The following PDZD2 variants were observed in gnomAD, a reference collection of about 807,000 sequenced individuals.
PDZD2 encodes PDZ domain containing 2.
Under a neutral mutation model 220.7 loss-of-function variants are expected in PDZD2, and 90 were observed. The observed-to-expected ratio is 0.41, with a 90% CI of 0.34 to 0.49. The LOEUF (loss-of-function observed/expected upper bound fraction) is 0.49. PDZD2 is among the 20% of genes least tolerant of loss of function. The pLI is 0.28. For missense variants in PDZD2, 3,174 were observed against 3,608.5 expected, an observed-to-expected ratio of 0.88 and a Z score of 3.08; for synonymous variants, 1,375 against 1,450.5, an observed-to-expected ratio of 0.95 and a Z score of 1.18.
At chr5:31,974,970 G>A (rs184658614) in intron 2 of PDZD2, among the ~76,000 whole-genome samples, 6 of 151,984 alleles carry the variant, frequency 3.9e-5, no homozygotes, top group Middle Eastern at 3.4e-3. Context: ...ATTTGAATTG[G>A]GCGTGAATGA....
chr5:31,849,944 A>ACGTG (rs1757868469), intron 2 of PDZD2, among the ~76,000 whole-genome samples: 1 of 24,502 alleles, frequency 4.1e-5, no homozygotes, highest in African/African-American at 3.1e-4. Flanking sequence ...ACATATATAT[A>ACGTG]TATACATATA....
intron 1 of PDZD2, among the ~76,000 whole-genome samples, chr5:31,760,177 C>T (rs1751546335): frequency 1.3e-5 from 2 of 152,118 alleles, no homozygotes; most frequent in African/African-American, 4.8e-5. Flanking sequence ...TTATGTTGAA[C>T]TCAGGCACAA....
intron 1 of PDZD2, among the ~76,000 whole-genome samples, chr5:31,684,200 C>T (rs1316959104): frequency 6.6e-6 from 1 of 152,224 alleles, no homozygotes; most frequent in East Asian, 1.9e-4. Flanking sequence ...GACAGTCCTA[C>T]TTGGGTGTCT....
At chr5:32,107,454 G>A (rs1249376572) in intron 24 of PDZD2, 1 of 152,482 alleles carries the variant, frequency 6.6e-6, no homozygotes, top group Non-Finnish European at 1.5e-5. Flanking sequence ...CTACTCTGAA[G>A]GCTGAGGTGA....
intron 6 of PDZD2, among the ~76,000 whole-genome samples, chr5:32,019,949 A>G (rs928527325): frequency 8.5e-5 from 13 of 152,052 alleles, no homozygotes; most frequent in African/African-American, 3.1e-4. Flanking sequence ...TCTTATTTGT[A>G]CCACTCCTAT....
chr5:31,696,695 A>G (rs1216187564), intron 1 of PDZD2, among the ~76,000 whole-genome samples: 1 of 152,214 alleles, frequency 6.6e-6, no homozygotes, highest in East Asian at 1.9e-4. Flanking sequence ...TCTTTCAAAA[A>G]GGATACATTT....
chr5:31,877,412 T>A (rs1739400953), intron 2 of PDZD2, among the ~76,000 whole-genome samples: 1 of 152,052 alleles, frequency 6.6e-6, no homozygotes, highest in Admixed American at 6.6e-5. Flanking sequence ...AGAGATGGGA[T>A]CTTGCTGCAT....
rs1230544433 is a variant in PDZD2 at position 32,087,130 on chromosome 5, G to A, written c.3683-1G>A. ...ACCTTCTGTTTACGTTCCCCACGTA[G>A]AACTGGACAGCTCCTCAGACCTCAT... is the stretch of plus-strand genomic sequence containing the variant. On this transcript the variant is annotated splice_acceptor_variant, in intron 19 of 24. Coordinates refer to ENST00000438447, the MANE Select transcript of PDZD2 (RefSeq NM_178140.4). LOFTEE classifies it high-confidence loss of function. This position sits in a 1 kb window ranked among gnomAD's most constrained non-coding sequence, Gnocchi z 4.0. 7 of 1,594,426 alleles carry A rather than the reference G, an allele frequency of 4.4e-6. No individual in the cohort carries two copies. The highest frequency in any genetic ancestry group is 6.0e-6 in the Non-Finnish European group (7 of 1,163,428).
At chr5:31,961,238 T>A (rs1748193886) in intron 2 of PDZD2, among the ~76,000 whole-genome samples, 2 of 152,158 alleles carry the variant, frequency 1.3e-5, no homozygotes, top group South Asian at 4.1e-4. Flanking sequence ...CCTTGAAATC[T>A]GAGGCAGGGC....
At chr5:31,858,758 G>A (rs2150309410) in intron 2 of PDZD2, among the ~76,000 whole-genome samples, 1 of 135,862 alleles carries the variant, frequency 7.4e-6, no homozygotes, top group East Asian at 2.7e-4. Flanking sequence ...TCCCTCTGTT[G>A]CCCAGGCTGG....
At chr5:31,877,978 C>T (rs1038627473) in intron 2 of PDZD2, among the ~76,000 whole-genome samples, 2 of 152,172 alleles carry the variant, frequency 1.3e-5, no homozygotes, top group Non-Finnish European at 2.9e-5. Flanking sequence ...CGTGAGCCAC[C>T]ACGCCTGGAC....
intron 14 of PDZD2, among the ~76,000 whole-genome samples, chr5:32,067,986 A>G (rs1740364040): frequency 6.6e-6 from 1 of 152,226 alleles, no homozygotes; most frequent in South Asian, 2.1e-4. Flanking sequence ...GTTTCTTCAC[A>G]GATTACTCAT....
intron 1 of PDZD2, among the ~76,000 whole-genome samples, chr5:31,651,999 T>TTTTC (rs1745370829): frequency 6.7e-6 from 1 of 149,248 alleles, no homozygotes; most frequent in East Asian, 2.0e-4. Flanking sequence ...TTTGTATTTT[T>TTTTC]TTTTTTTTTT....
chr5:32,031,420 C>T (rs544407961), intron 6 of PDZD2, among the ~76,000 whole-genome samples: 1 of 152,166 alleles, frequency 6.6e-6, no homozygotes, highest in Non-Finnish European at 1.5e-5. Context: ...CCTCCTTGTT[C>T]TTGTGCGCAA....
rs377748174 is a variant in PDZD2 at position 32,090,970 on chromosome 5, G to A, written c.7522G>A (p.Val2508Met). 50 of 1,613,710 alleles carry A rather than the reference G, an allele frequency of 3.1e-5. No individual in the cohort carries two copies. Among genetic ancestry groups the A allele is most frequent in the Non-Finnish European group, 3.8e-5 (45 of 1,179,956 alleles). Reference sequence around the variant, plus strand: ...GGATTACTCAGCAGGGCCGAGCGCCGTGCTCTTCAAAACTGAGCTGGAGAT... The same window carrying A: ...GGATTACTCAGCAGGGCCGAGCGCCATGCTCTTCAAAACTGAGCTGGAGAT... ...SEDYSAGPSA[V>M]LFKTELEITP... The change falls in exon 20 of 25, where the codon GTG (valine) becomes ATG (methionine). Residue 2508 changes from valine (V) to methionine (M), a missense_variant. By Grantham distance (21) the Val-to-Met change is conservative (BLOSUM62 1). Coordinates refer to ENST00000438447, the MANE Select transcript of PDZD2 (RefSeq NM_178140.4). The surrounding 1 kb of genome is among the most constrained non-coding windows in gnomAD (Gnocchi z 4.3).
intron 2 of PDZD2, among the ~76,000 whole-genome samples, chr5:31,976,551 T>C (rs577851067): frequency 3.3e-5 from 5 of 152,300 alleles, no homozygotes; most frequent in African/African-American, 1.2e-4. Context: ...CTGTTGTCTG[T>C]GTAGGGACCT....
chr5:31,763,115 G>T (rs1751752482), intron 1 of PDZD2, among the ~76,000 whole-genome samples: 1 of 152,164 alleles, frequency 6.6e-6, no homozygotes, highest in Non-Finnish European at 1.5e-5. Flanking sequence ...GTTTGTGAGG[G>T]CAGTGACTGA....
chr5:31,779,054 CT>C (rs1752894289), intron 1 of PDZD2, among the ~76,000 whole-genome samples: 1 of 152,134 alleles, frequency 6.6e-6, no homozygotes, highest in African/African-American at 2.4e-5. Flanking sequence ...ATATCTCTCT[CT>C]TGCTTAAAAA....
In PDZD2 at chr5:32,043,708, A is replaced by G. The variant is rs537562892; in HGVS notation, c.1520-4831A>G. The stretch of plus-strand genomic sequence containing the variant: ...GGTGGTGTGATCTCAGCTCACCACA[A>G]CCTCCGCCTCCCAGGTACAAGTGAT... On this transcript the variant is annotated intron_variant, in intron 7 of 24. Transcript: ENST00000438447. Among the ~76,000 whole-genome samples, 3 of 152,164 alleles carry G rather than the reference A, an allele frequency of 2.0e-5. No homozygotes were observed. In the East Asian group the frequency reaches 5.8e-4, roughly 29 times the overall value.
Sources: allele counts gnomAD v4.1 joint callset (sites outside exome capture counted in the v4.1 genomes callset), GRCh38; gene constraint gnomAD v4.1.1; non-coding constraint Gnocchi (gnomAD v3.1); transcripts MANE v1.5; gene names NCBI Gene and HGNC (gene_info 2026-07-23, HGNC 2026-07-21).